DSP: variants seen among roughly 807,000 people sequenced by gnomAD.
DSP encodes the protein 250/210 kDa paraneoplastic pemphigus antigen.
A neutral mutation model predicts 290.6 loss-of-function variants in DSP; 114 were observed. The ratio of observed to expected loss-of-function variants is 0.39; its 90% CI spans 0.34 to 0.46. The LOEUF (loss-of-function observed/expected upper bound fraction) is 0.46, where lower values mean the gene tolerates loss of function less well. Among genes scored for constraint, DSP ranks in the 20% least tolerant of loss-of-function variants. DSP has a pLI of 0.99. For synonymous variants in DSP, 1,311 were observed against 1,316.4 expected, an observed-to-expected ratio of 1.00 and a Z score of 0.09; for missense variants, 3,230 against 3,495.8, an observed-to-expected ratio of 0.92 and a Z score of 1.92.
chr6:7,582,493 C>T lies in DSP; in HGVS notation c.5380-149C>T, dbSNP rs1400445795. The T allele has an allele frequency of 1.4e-6, 1 of 721,146 alleles. No homozygotes were observed. The highest frequency in any genetic ancestry group is 1.8e-5 in the African/African-American group (1 of 55,580). The allele number at this position is 721,146 out of a possible 1,614,324, so 44.7% of individuals were successfully genotyped here. ...CCACAAATTTGTAAAATAACAAGCT[C>T]ACAGTGTATCCAGGGACAATATAGA... On this transcript the variant is annotated intron_variant, in intron 23 of 23. Coordinates refer to ENST00000379802, the MANE Select transcript of DSP (RefSeq NM_004415.4). This position sits in a 1 kb window ranked among gnomAD's most constrained non-coding sequence, Gnocchi z 4.2.
intron 1 of DSP, among the ~76,000 whole-genome samples, chr6:7,545,605 A>G (rs1422110778): frequency 6.6e-6 from 1 of 152,050 alleles, no homozygotes; most frequent in Non-Finnish European, 1.5e-5. Context: ...ATCAAGGTGG[A>G]AATCTATAGC....
chr6:7,581,149 G>C lies in DSP; in HGVS notation c.4959G>C (p.Glu1653Asp). ...GGGAAAAGCAGAGGACCCAGGAAGA[G>C]CTGAGGAGGCTCTCTTCTGAGGTCG... The part of the protein sequence containing the change: ...HLREKQRTQE[E>D]LRRLSSEVEA... Residue 1653 changes from glutamate (E) to aspartate (D), a missense_variant, in exon 23 of 24, where the codon GAG becomes GAC. Glu to Asp is a conservative substitution (Grantham distance 45, BLOSUM62 2). Around this residue, in one of 5 missense-constraint regions of DSP, gnomAD observed 1,714 missense variants for 1,844.5 expected, o/e 0.93. Transcript: ENST00000379802. 1 of 1,614,192 alleles carries C rather than the reference G, an allele frequency of 6.2e-7. No individual in the cohort carries two copies. The highest frequency in any genetic ancestry group is 2.2e-5 in the East Asian group (1 of 44,892).
chr6:7,564,643 T>C (rs1758802112), intron 6 of DSP, among the ~76,000 whole-genome samples: 1 of 152,206 alleles, frequency 6.6e-6, no homozygotes, highest in Admixed American at 6.5e-5. Flanking sequence ...TAATGATAAT[T>C]TATTGTATAT....
At position 7,547,601 on chromosome 6, in the gene DSP, A is replaced by AT. The variant is rs61417378; in HGVS notation, c.170+5532dup. Among the ~76,000 whole-genome samples, 291 of 145,272 alleles carry AT rather than the reference A, an allele frequency of 2.0e-3. 1 individual carries two copies. Among genetic ancestry groups the AT allele is most frequent in the Middle Eastern group, 0.011 (3 of 284 alleles). On this transcript the variant is annotated intron_variant, in intron 1 of 23. Coordinates refer to ENST00000379802, the MANE Select transcript of DSP (RefSeq NM_004415.4). ...GCGCCACCATACACAACTAATTAAA[A>AT]TTTTTTTTTTTTTTTTGTAGAGACA... is the stretch of plus-strand genomic sequence containing the variant.
intron 1 of DSP, among the ~76,000 whole-genome samples, chr6:7,543,813 C>T (rs1581780409): frequency 6.6e-6 from 1 of 152,088 alleles, no homozygotes; most frequent in Non-Finnish European, 1.5e-5. Context: ...TATTTCACTC[C>T]CTTGGCTTCT....
chr6:7,550,493 T>C (rs914768978), intron 1 of DSP, among the ~76,000 whole-genome samples: 6 of 152,216 alleles, frequency 3.9e-5, no homozygotes, highest in African/African-American at 1.4e-4. Flanking sequence ...ATCTTGGTAA[T>C]ATTGTTCACA....
chr6:7,565,494 A>T lies in DSP; in HGVS notation c.913A>T (p.Ile305Phe), dbSNP rs17604693. The stretch of plus-strand genomic sequence containing the variant: ...CGACTGGAGCGACAAGAACACCAAC[A>T]TCGCTCAGAAACAGGAGGCCTTCTC... ...LYDWSDKNTN[I>F]AQKQEAFSIR... The change falls in exon 7 of 24, where the codon ATC (isoleucine) becomes TTC (phenylalanine). Residue 305 changes from isoleucine to phenylalanine, a missense_variant. Ile to Phe is a conservative substitution (Grantham distance 21). Around this residue, in one of 5 missense-constraint regions of DSP, gnomAD observed 646 missense variants for 684.3 expected, o/e 0.94. Coordinates refer to ENST00000379802, the MANE Select transcript of DSP (RefSeq NM_004415.4). The surrounding 1 kb of genome is among the most constrained non-coding windows in gnomAD (Gnocchi z 4.2). 59,017 of 1,613,890 alleles carry T rather than the reference A, an allele frequency of 0.037. 1,250 individuals carry two copies. The highest frequency in any genetic ancestry group is 0.041 in the Non-Finnish European group (48,833 of 1,179,872).
rs1235938035 is a variant in DSP, at chr6:7,586,021, T to A, written c.*143T>A. On this transcript the variant is annotated 3_prime_UTR_variant, in exon 24 of 24. Coordinates refer to ENST00000379802, the MANE Select transcript of DSP (RefSeq NM_004415.4). ...ACAGAAAATATAGCCATGATTGAAA[T>A]CAAATAGTAAAGGCTGTTCTGGCTT... 1 of 878,420 alleles carries A rather than the reference T, an allele frequency of 1.1e-6. No individual in the cohort carries two copies. Among genetic ancestry groups the A allele is most frequent in the Non-Finnish European group, 1.8e-6 (1 of 565,288 alleles). The allele number at this position is 878,420 out of a possible 1,614,324, so 54.4% of individuals were successfully genotyped here.
At chr6:7,572,248 G>C (rs1561691075) in intron 15 of DSP, among the ~76,000 whole-genome samples, 180 bp downstream of exon 15, 1 of 152,130 alleles carries the variant, frequency 6.6e-6, no homozygotes, top group Non-Finnish European at 1.5e-5. Flanking sequence ...TATCAGGCTG[G>C]GGGTTAAACT....
rs1759181504 is a variant in DSP at position 7,574,722 on chromosome 6, A to C, written c.2363A>C (p.Glu788Ala). 1 of 1,614,048 alleles carries C rather than the reference A, an allele frequency of 6.2e-7. No homozygotes were observed. Among genetic ancestry groups the C allele is most frequent in the Non-Finnish European group, 8.5e-7 (1 of 1,180,032 alleles). The change falls in exon 17 of 24, where the codon GAA becomes GCA. Residue 788 changes from glutamate to alanine, a missense_variant. This residue lies in a region of DSP where 1,714 missense variants were observed against 1,844.5 expected (regional missense o/e 0.93). Coordinates refer to ENST00000379802, the MANE Select transcript of DSP (RefSeq NM_004415.4). ...ACAGAAGACATGTTAAAGGTTTATG[A>C]AGCCAGGCTCACTGAGGAGGAAACT... ...LQTEDMLKVY[E>A]ARLTEEETVC...
intron 8 of DSP, 104 bp downstream of exon 8, chr6:7,566,585 T>C (rs1290534864): frequency 2.1e-6 from 2 of 958,122 alleles, no homozygotes; most frequent in African/African-American, 1.7e-5. Context: ...CCGTGCCAAC[T>C]TTATTTTCTA....
At chr6:7,578,649 G>GAACATCCA (rs1305781944) in intron 22 of DSP, 87 bp downstream of exon 22, 2 of 1,076,106 alleles carry the variant, frequency 1.9e-6, no homozygotes, top group Non-Finnish European at 2.9e-6. Flanking sequence ...CATGGATTTG[G>GAACATCCA]ACACATCCTG....
At chr6:7,577,564 G>A (rs1407660309) in intron 20 of DSP, among the ~76,000 whole-genome samples, 2 of 152,114 alleles carry the variant, frequency 1.3e-5, no homozygotes, top group Admixed American at 6.5e-5. Flanking sequence ...CCGATCTCAG[G>A]GGATCTGCCC....
chr6:7,570,373 G>T, intron 12 of DSP, 64 bp from the exon 13 acceptor site: 3 of 1,613,204 alleles, frequency 1.9e-6, no homozygotes, highest in South Asian at 1.1e-5. Context: ...GCGTGTCCAG[G>T]TTTCCCATTT....
Position 7,567,458 on chromosome 6 carries a change from AT to A in DSP, c.1140+12del. On this transcript the variant is annotated intron_variant, in intron 9 of 23. Transcript: ENST00000379802. ...ATGCTGCCTACTTTCAGGTTTTTAT[AT>A]TTAGTGATAATTTTGTTGTTATTTA... 1.2e-6 allele frequency: 2 copies of A among 1,608,786 alleles called. No homozygotes were observed. The highest frequency in any genetic ancestry group is 1.7e-6 in the Non-Finnish European group (2 of 1,175,636).
intron 1 of DSP, among the ~76,000 whole-genome samples, chr6:7,549,597 A>T (rs1353641088): frequency 2.0e-5 from 3 of 152,250 alleles, no homozygotes; most frequent in African/African-American, 7.2e-5. Flanking sequence ...AATAGGCCTC[A>T]CGGTCAATAT....
chr6:7,582,891 G>A lies in DSP; in HGVS notation c.5629G>A (p.Ala1877Thr). 2 of 1,614,098 alleles carry A rather than the reference G, an allele frequency of 1.2e-6. No homozygotes were observed. Among genetic ancestry groups the A allele is most frequent in the South Asian group, 2.2e-5 (2 of 91,078 alleles). ...GACTCAATATTCCCGCAAGGAGGAG[G>A]CTATTAGGAAGATAGAATCGGAAAG... Reference protein sequence around the residue: ...WKTQYSRKEEAIRKIESEREK... With the variant: ...WKTQYSRKEETIRKIESEREK... Residue 1877 changes from alanine (A) to threonine (T), a missense_variant, in exon 24 of 24, where the codon GCT becomes ACT. Ala to Thr is a moderately conservative substitution (Grantham distance 58). This residue lies in a region of DSP where 1,714 missense variants were observed against 1,844.5 expected (regional missense o/e 0.93). Coordinates refer to ENST00000379802, the MANE Select transcript of DSP (RefSeq NM_004415.4). The surrounding 1 kb of genome is among the most constrained non-coding windows in gnomAD (Gnocchi z 4.2).
intron 1 of DSP, among the ~76,000 whole-genome samples, chr6:7,547,600 A>AT (rs1758203465): frequency 7.5e-6 from 1 of 133,110 alleles, no homozygotes. Context: ...AACTAATTAA[A>AT]ATTTTTTTTT....
intron 2 of DSP, among the ~76,000 whole-genome samples, chr6:7,556,958 T>C (rs1439683657): frequency 6.6e-6 from 1 of 152,232 alleles, no homozygotes; most frequent in Non-Finnish European, 1.5e-5. Flanking sequence ...ACGTTTTACA[T>C]GTAGCTCTGA....
Sources: gnomAD v4.1 joint callset for allele counts (sites outside exome capture counted in the v4.1 genomes callset) on GRCh38, gnomAD v4.1.1 for gene constraint, gnomAD v4.1.1 regional missense constraint, Gnocchi (gnomAD v3.1) non-coding constraint, MANE v1.5 for transcripts, NCBI Gene and HGNC (gene_info 2026-07-23, HGNC 2026-07-21) for gene names.